The following TTC29 variants were observed in gnomAD, a reference collection of about 807,000 sequenced individuals.
The protein encoded by TTC29 is tetratricopeptide repeat domain 29.
Under a neutral mutation model 58.1 loss-of-function variants are expected in TTC29, and 49 were observed. That is an observed-to-expected ratio of 0.84 (90% confidence interval 0.67 to 1.07). TTC29 has a LOEUF of 1.07. TTC29 is among the 50% of genes least tolerant of loss of function. TTC29 has a pLI of 0.00. For missense variants in TTC29, 582 were observed against 555.6 expected, an observed-to-expected ratio of 1.05 and a Z score of -0.48; for synonymous variants, 209 against 196.8, an observed-to-expected ratio of 1.06 and a Z score of -0.52.
chr4:146,845,857 A>C (rs1325034237), intron 8 of TTC29, among the ~76,000 whole-genome samples: 1 of 151,958 alleles, frequency 6.6e-6, no homozygotes, highest in East Asian at 1.9e-4. Flanking sequence ...TCTTTGTGCT[A>C]TTCTAGCACT....
intron 11 of TTC29, among the ~76,000 whole-genome samples, chr4:146,800,683 G>A (rs1045840750): frequency 2.6e-5 from 4 of 152,114 alleles, no homozygotes; most frequent in Non-Finnish European, 5.9e-5. Flanking sequence ...TTAAAAAGTC[G>A]TTAATGCAAA....
intron 11 of TTC29, among the ~76,000 whole-genome samples, chr4:146,722,046 A>T (rs1743399734): frequency 1.0e-5 from 1 of 99,832 alleles, no homozygotes; most frequent in Non-Finnish European, 2.0e-5. Flanking sequence ...AATCAAGAAC[A>T]GAGTCCCATT....
At chr4:146,929,309 G>A (rs944400723) in intron 4 of TTC29, among the ~76,000 whole-genome samples, 2 of 152,154 alleles carry the variant, frequency 1.3e-5, no homozygotes, top group East Asian at 1.9e-4. Flanking sequence ...TCAACACAAT[G>A]TAAATACACT....
intron 4 of TTC29, among the ~76,000 whole-genome samples, chr4:146,925,579 A>G (rs187025623): frequency 1.1e-3 from 165 of 152,288 alleles, no homozygotes; most frequent in Admixed American, 5.5e-3. Context: ...AATATAGAAA[A>G]GAAATGAGAT....
chr4:146,835,786 A>G (rs1203102948), intron 8 of TTC29, among the ~76,000 whole-genome samples: 1 of 152,138 alleles, frequency 6.6e-6, no homozygotes, highest in African/African-American at 2.4e-5. Flanking sequence ...CAACAATCAG[A>G]GGTGCCCAGT....
chr4:146,841,410 C>T (rs894061220), intron 8 of TTC29, among the ~76,000 whole-genome samples: 2 of 152,020 alleles, frequency 1.3e-5, no homozygotes, highest in African/African-American at 4.8e-5. Context: ...TGGGCCTCTG[C>T]TCTCTGGCTG....
intron 11 of TTC29, among the ~76,000 whole-genome samples, chr4:146,779,423 A>G (rs183144838): frequency 5.1e-4 from 77 of 152,340 alleles, no homozygotes; most frequent in Admixed American, 4.8e-3. Flanking sequence ...AATTTTCTAT[A>G]GCTTAGAAAA....
At chr4:146,856,290 C>CT (rs1455147475) in intron 8 of TTC29, among the ~76,000 whole-genome samples, 1 of 152,006 alleles carries the variant, frequency 6.6e-6, no homozygotes, top group Non-Finnish European at 1.5e-5. Context: ...TAAAGAGCTA[C>CT]TGTAGCAGTA....
At chr4:146,807,375 G>T (rs1750689046) in intron 10 of TTC29, among the ~76,000 whole-genome samples, 4 of 152,110 alleles carry the variant, frequency 2.6e-5, no homozygotes, top group Admixed American at 2.0e-4. Flanking sequence ...CAGAAGGCAA[G>T]AAATAAATAA....
At position 146,867,589 on chromosome 4, in the gene TTC29, G is replaced by A. The variant is rs1336257382; in HGVS notation, c.800-6C>T. On this transcript the variant is annotated splice_polypyrimidine_tract_variant and splice_region_variant and intron_variant, in intron 7 of 12. Coordinates refer to ENST00000325106, the MANE Select transcript of TTC29 (RefSeq NM_031956.4). ...TTCCATCTTTTTGTCACTTCCTGAAGTGAAGATGTAAAAAAATTACCAAGT... is the reference window on the plus strand; with the variant it reads ...TTCCATCTTTTTGTCACTTCCTGAAATGAAGATGTAAAAAAATTACCAAGT... 1.4e-6 allele frequency: 2 copies of A among 1,448,956 alleles called. No individual in the cohort carries two copies. Among genetic ancestry groups the A allele is most frequent in the Non-Finnish European group, 1.9e-6 (2 of 1,076,956 alleles). 89.8% of individuals were successfully genotyped at this position (1,448,956 alleles called of 1,614,324 possible).
intron 10 of TTC29, chr4:146,812,894 T>C (rs1290831889): frequency 2.0e-5 from 3 of 152,186 alleles, no homozygotes; most frequent in Non-Finnish European, 4.4e-5. Flanking sequence ...ATCCCTATTC[T>C]ATTATAAAAT....
At chr4:146,731,891 T>C (rs1305737496) in intron 11 of TTC29, among the ~76,000 whole-genome samples, 1 of 152,226 alleles carries the variant, frequency 6.6e-6, no homozygotes, top group African/African-American at 2.4e-5. Context: ...TCCAGCCAGT[T>C]AGCGTTGCTT....
chr4:146,843,574 T>C (rs1728986862), intron 8 of TTC29, among the ~76,000 whole-genome samples: 1 of 152,114 alleles, frequency 6.6e-6, no homozygotes, highest in South Asian at 2.1e-4. Context: ...TCTTCTGCCA[T>C]GAGCTCATTG....
intron 11 of TTC29, among the ~76,000 whole-genome samples, chr4:146,780,544 A>G (rs1306736966): frequency 1.3e-5 from 2 of 152,016 alleles, no homozygotes; most frequent in African/African-American, 4.8e-5. Context: ...GGATTCTGGT[A>G]TGTATATAGT....
chr4:146,707,605 A>G, intron 11 of TTC29, 54 bp from the exon 12 acceptor site: 1 of 1,326,712 alleles, frequency 7.5e-7, no homozygotes, highest in Non-Finnish European at 1.1e-6. Context: ...GTTTATAGTT[A>G]TTTTGATCTT....
intron 8 of TTC29, among the ~76,000 whole-genome samples, chr4:146,836,381 A>G (rs1728510925): frequency 6.6e-6 from 1 of 152,142 alleles, no homozygotes; most frequent in Admixed American, 6.6e-5. Flanking sequence ...TGTCAATCAC[A>G]TGAAATTCAC....
chr4:146,780,317 G>A (rs1214041119), intron 11 of TTC29, among the ~76,000 whole-genome samples: 3 of 150,640 alleles, frequency 2.0e-5, no homozygotes, highest in Non-Finnish European at 3.0e-5. Context: ...GTGTGTGTGT[G>A]TGTGTGTGTG....
intron 10 of TTC29, among the ~76,000 whole-genome samples, chr4:146,818,980 G>T (rs1751630980): frequency 1.3e-5 from 2 of 151,936 alleles, no homozygotes; most frequent in African/African-American, 4.8e-5. Context: ...GATACCTAAT[G>T]CTAAATGACG....
At chr4:146,830,485 C>T (rs543142524) in intron 9 of TTC29, among the ~76,000 whole-genome samples, 18 of 152,304 alleles carry the variant, frequency 1.2e-4, no homozygotes, top group African/African-American at 4.3e-4. Context: ...GCCTTAGACA[C>T]ACACTTATCC....
Sources: gnomAD v4.1 joint callset for allele counts (sites outside exome capture counted in the v4.1 genomes callset) on GRCh38, gnomAD v4.1.1 for gene constraint, MANE v1.5 for transcripts, NCBI Gene and HGNC (gene_info 2026-07-23, HGNC 2026-07-21) for gene names.